Variants in SLC24A2 observed in about 807,000 individuals in gnomAD.
SLC24A2 encodes the protein sodium/potassium/calcium exchanger 2.
A neutral mutation model predicts 62.0 loss-of-function variants in SLC24A2; 36 were observed. The observed-to-expected ratio is 0.58, with a 90% CI of 0.44 to 0.77. The LOEUF is 0.77. Among genes scored for constraint, SLC24A2 ranks in the 30% least tolerant of loss-of-function variants. SLC24A2 has a pLI of 0.00. For missense variants in SLC24A2, 846 were observed against 817.9 expected (o/e 1.03, Z -0.42); for synonymous variants, 358 against 294.0 (o/e 1.22, Z -2.23).
the SLC24A2 span, among the ~76,000 whole-genome samples, chr9:20,081,156 C>G: frequency 6.6e-6 from 1 of 152,130 alleles, no homozygotes. Flanking sequence ...ATAAATCATG[C>G]TGCTATAAAG....
At chr9:19,788,600 T>A in intron 1 of SLC24A2, 1 of 985,372 alleles carries the variant, frequency 1.0e-6, no homozygotes, top group Admixed American at 6.1e-5. Flanking sequence ...CGTTTGTAGG[T>A]GGCTGGGGAA....
At chr9:20,214,117 A>ACAC in the SLC24A2 span, among the ~76,000 whole-genome samples, 9 of 152,294 alleles carry the variant, frequency 5.9e-5, no homozygotes, top group South Asian at 1.9e-3. Context: ...ATGAACATTT[A>ACAC]AGGTGTTTCC....
the SLC24A2 span, among the ~76,000 whole-genome samples, chr9:20,187,370 C>A: frequency 3.9e-5 from 6 of 152,138 alleles, no homozygotes; most frequent in East Asian, 1.9e-4. Flanking sequence ...AGAGAGAATT[C>A]TCTGCCTTTA....
At chr9:19,562,581 T>A (rs1835455696) in intron 7 of SLC24A2, among the ~76,000 whole-genome samples, 1 of 152,202 alleles carries the variant, frequency 6.6e-6, no homozygotes, top group Admixed American at 6.5e-5. Flanking sequence ...GTAAATATTT[T>A]TCAGGTCATC....
chr9:20,091,691 A>T, the SLC24A2 span, among the ~76,000 whole-genome samples: 1 of 152,228 alleles, frequency 6.6e-6, no homozygotes, highest in Non-Finnish European at 1.5e-5. Flanking sequence ...GGCCTGCCTT[A>T]TAAGAGATCT....
Position 19,573,433 on chromosome 9 carries a change from A to G in SLC24A2, c.1265T>C (p.Val422Ala), listed in dbSNP as rs980532819. 6.2e-7 allele frequency: 1 copy of G among 1,613,040 alleles called. No homozygotes were observed. The highest frequency in any genetic ancestry group is 1.1e-5 in the South Asian group (1 of 91,044). The change falls in exon 7 of 11, where the codon GTT becomes GCT. Residue 422 changes from valine (V) to alanine (A), a missense_variant. Physicochemically the swap from Val to Ala is moderately conservative, Grantham distance 64. Transcript: ENST00000341998. ...IELPNSTSTD[V>A]EMTPSSDASE... Reference sequence around the variant, plus strand: ...AGCATCACTGGATGGTGTCATTTCAACATCTGTGCTGGTGCTGTTTGGAAG... The same window carrying G: ...AGCATCACTGGATGGTGTCATTTCAGCATCTGTGCTGGTGCTGTTTGGAAG...
At chr9:20,240,512 TAAG>T in the SLC24A2 span, among the ~76,000 whole-genome samples, 1 of 152,066 alleles carries the variant, frequency 6.6e-6, no homozygotes, top group African/African-American at 2.4e-5. Context: ...AAGTCAAGAG[TAAG>T]AAGTAGGGGG....
the SLC24A2 span, among the ~76,000 whole-genome samples, chr9:20,122,361 G>A: frequency 5.9e-5 from 9 of 152,166 alleles, no homozygotes; most frequent in Admixed American, 3.3e-4. Flanking sequence ...CGATCCCAAT[G>A]TCATGAATTT....
chr9:20,219,034 G>A, the SLC24A2 span, among the ~76,000 whole-genome samples: 1 of 152,156 alleles, frequency 6.6e-6, no homozygotes, highest in South Asian at 2.1e-4. Context: ...CAAGAATTAG[G>A]GAAATATATG....
the SLC24A2 span, among the ~76,000 whole-genome samples, chr9:19,971,050 GCAAA>G: frequency 4.2e-4 from 64 of 152,270 alleles, 1 homozygote; most frequent in Non-Finnish European, 8.2e-4. Context: ...CAAATGTGGG[GCAAA>G]CAGAGATCTG....
chr9:19,629,741 G>C (rs1818128876), intron 2 of SLC24A2, among the ~76,000 whole-genome samples: 2 of 152,252 alleles, frequency 1.3e-5, no homozygotes, highest in Middle Eastern at 3.4e-3. Flanking sequence ...TTGGAAGTTC[G>C]GGTGGGCTCA....
the SLC24A2 span, among the ~76,000 whole-genome samples, chr9:20,207,569 T>C: frequency 6.6e-6 from 1 of 152,236 alleles, no homozygotes; most frequent in Non-Finnish European, 1.5e-5. Flanking sequence ...TATAATTATC[T>C]TTCTATATCT....
the SLC24A2 span, among the ~76,000 whole-genome samples, chr9:20,255,215 G>C: frequency 0.017 from 2,515 of 152,242 alleles, 71 homozygotes; most frequent in African/African-American, 0.057. Flanking sequence ...GATGACAAAT[G>C]GTTTCATTTT....
At chr9:20,277,452 A>G in the SLC24A2 span, among the ~76,000 whole-genome samples, 1 of 151,662 alleles carries the variant, frequency 6.6e-6, no homozygotes, top group Admixed American at 6.5e-5. Flanking sequence ...TTCTCAAAAG[A>G]AGACATTTAG....
At chr9:20,210,205 C>A in the SLC24A2 span, among the ~76,000 whole-genome samples, 1 of 152,102 alleles carries the variant, frequency 6.6e-6, no homozygotes. Context: ...GTTTAACACC[C>A]GCACCTACAC....
At chr9:19,847,130 A>T in the SLC24A2 span, among the ~76,000 whole-genome samples, 1 of 152,234 alleles carries the variant, frequency 6.6e-6, no homozygotes, top group Non-Finnish European at 1.5e-5. Context: ...CTATTTATAG[A>T]GCAAAATGTC....
the SLC24A2 span, among the ~76,000 whole-genome samples, chr9:20,045,989 C>T: frequency 6.6e-6 from 1 of 152,172 alleles, no homozygotes; most frequent in African/African-American, 2.4e-5. Context: ...TAGCAGGCAA[C>T]AAAGAACAGG....
chr9:20,117,080 T>C, the SLC24A2 span, among the ~76,000 whole-genome samples: 1 of 152,136 alleles, frequency 6.6e-6, no homozygotes, highest in Non-Finnish European at 1.5e-5. Context: ...GCTAGTAATG[T>C]ATTTTGGCAG....
the SLC24A2 span, among the ~76,000 whole-genome samples, chr9:20,237,246 G>C: frequency 6.6e-6 from 1 of 152,136 alleles, no homozygotes; most frequent in South Asian, 2.1e-4. Context: ...TATATAATAA[G>C]CATCATCCTT....
Sources: gnomAD v4.1 joint callset for allele counts (sites outside exome capture counted in the v4.1 genomes callset) on GRCh38, gnomAD v4.1.1 for gene constraint, MANE v1.5 for transcripts, NCBI Gene and HGNC (gene_info 2026-07-23, HGNC 2026-07-21) for gene names.